The following CDH12 variants were observed in gnomAD, a reference collection of about 807,000 sequenced individuals.
CDH12 encodes the protein cadherin-12.
A neutral mutation model predicts 74.1 loss-of-function variants in CDH12; 41 were observed. The observed-to-expected ratio is 0.55, with a 90% confidence interval of 0.43 to 0.72. CDH12 has a LOEUF of 0.72. Ranked by LOEUF, CDH12 falls within the 30% of genes least tolerant of loss-of-function variation. The pLI is 0.00. For synonymous variants in CDH12, 399 were observed against 355.0 expected, an observed-to-expected ratio of 1.12 and a Z score of -1.39; for missense variants, 945 against 977.2, an observed-to-expected ratio of 0.97 and a Z score of 0.44.
intron 3 of CDH12, among the ~76,000 whole-genome samples, chr5:22,315,119 C>CT (rs70959715): frequency 0.08 from 1,838 of 22,970 alleles, 516 homozygotes; most frequent in African/African-American, 0.21. Flanking sequence ...GCCTGCCTGG[C>CT]TTTTTTTTTT....
intron 3 of CDH12, among the ~76,000 whole-genome samples, chr5:22,402,372 G>A (rs988663031): frequency 1.3e-5 from 2 of 152,298 alleles, no homozygotes; most frequent in Admixed American, 6.5e-5. Flanking sequence ...TTCTGGTGAT[G>A]TCTCCAAAGA....
chr5:22,509,255 A>T (rs530786458), intron 1 of CDH12, among the ~76,000 whole-genome samples: 21 of 152,344 alleles, frequency 1.4e-4, no homozygotes, highest in African/African-American at 5.1e-4. Flanking sequence ...AGGACTACTG[A>T]TAACCTGCAA....
chr5:21,850,899 T>G (rs563349456), intron 7 of CDH12, among the ~76,000 whole-genome samples: 1 of 151,354 alleles, frequency 6.6e-6, no homozygotes, highest in Non-Finnish European at 1.5e-5. Flanking sequence ...ATAAAGGACG[T>G]ATTTTTCACA....
At chr5:22,583,983 C>A (rs1423531695) in intron 1 of CDH12, among the ~76,000 whole-genome samples, 1 of 151,584 alleles carries the variant, frequency 6.6e-6, no homozygotes, top group Non-Finnish European at 1.5e-5. Flanking sequence ...TTTACTTTTT[C>A]CCCCTGGTTC....
chr5:22,751,711 T>C (rs557520374), intron 1 of CDH12, among the ~76,000 whole-genome samples: 10 of 152,274 alleles, frequency 6.6e-5, no homozygotes, highest in South Asian at 6.2e-4. Flanking sequence ...TCTGAAGTTA[T>C]TTGGTTTGGG....
intron 1 of CDH12, among the ~76,000 whole-genome samples, chr5:22,736,350 G>C (rs1744721772): frequency 6.6e-6 from 1 of 151,742 alleles, no homozygotes; most frequent in Admixed American, 6.6e-5. Context: ...ATATGAGATA[G>C]TTCATTGGCT....
At chr5:22,230,137 T>G (rs1280877658) in intron 3 of CDH12, among the ~76,000 whole-genome samples, 1 of 152,118 alleles carries the variant, frequency 6.6e-6, no homozygotes, top group Non-Finnish European at 1.5e-5. Flanking sequence ...AATTTGTTAG[T>G]AAGTGTATGC....
At chr5:22,262,109 G>A (rs866302926) in intron 3 of CDH12, among the ~76,000 whole-genome samples, 1 of 151,732 alleles carries the variant, frequency 6.6e-6, no homozygotes, top group Non-Finnish European at 1.5e-5. Flanking sequence ...GCAATGTAAT[G>A]CATACACTAT....
intron 3 of CDH12, among the ~76,000 whole-genome samples, chr5:22,386,353 C>A (rs1742001617): frequency 6.6e-6 from 1 of 152,100 alleles, no homozygotes; most frequent in African/African-American, 2.4e-5. Context: ...CAAATCCAAG[C>A]CATACCATTG....
chr5:22,344,028 A>G (rs1740003915), intron 3 of CDH12, among the ~76,000 whole-genome samples: 1 of 152,322 alleles, frequency 6.6e-6, no homozygotes, highest in African/African-American at 2.4e-5. Flanking sequence ...ATAAGAAATC[A>G]CCTAAGAAAC....
chr5:22,181,531 C>T (rs1324481563), intron 4 of CDH12, among the ~76,000 whole-genome samples: 1 of 152,058 alleles, frequency 6.6e-6, no homozygotes, highest in Middle Eastern at 3.2e-3. Context: ...CTATTTTGTG[C>T]CAGTGTTCCC....
intron 1 of CDH12, among the ~76,000 whole-genome samples, chr5:22,593,370 A>G (rs77760324): frequency 0.02 from 3,024 of 152,264 alleles, 37 homozygotes; most frequent in Non-Finnish European, 0.03. Flanking sequence ...TAAGGTTCCA[A>G]AACAAAACTA....
rs76674898 is a variant in CDH12 at position 22,242,103 on chromosome 5, T to A, written c.-332-29460A>T. Reference sequence around the variant, plus strand: ...CCTTCATTCTACGTTTTATTTGTATTCACTTGAACTAACTCAGAAGTCATA... The same window carrying A: ...CCTTCATTCTACGTTTTATTTGTATACACTTGAACTAACTCAGAAGTCATA... On this transcript the variant is annotated intron_variant, in intron 3 of 14. Transcript: ENST00000382254. Among the ~76,000 whole-genome samples, 390 of 152,290 alleles carry A rather than the reference T, an allele frequency of 2.6e-3. 1 individual carries two copies. The highest frequency in any genetic ancestry group is 4.7e-3 in the Non-Finnish European group (318 of 67,986).
chr5:21,821,702 A>G (rs1390988706), intron 8 of CDH12, among the ~76,000 whole-genome samples: 3 of 151,962 alleles, frequency 2.0e-5, no homozygotes, highest in Admixed American at 1.3e-4. Context: ...ACTCAAAAAC[A>G]TACACTTGAT....
At chr5:22,748,110 TA>T (rs1745385166) in intron 1 of CDH12, among the ~76,000 whole-genome samples, 1 of 152,216 alleles carries the variant, frequency 6.6e-6, no homozygotes, top group Non-Finnish European at 1.5e-5. Flanking sequence ...ATTTGAAAGG[TA>T]TATTTAAATA....
intron 3 of CDH12, among the ~76,000 whole-genome samples, chr5:22,294,968 T>C (rs762144042): frequency 2.6e-5 from 4 of 152,156 alleles, no homozygotes; most frequent in Non-Finnish European, 5.9e-5. Context: ...TGTCTCCCAG[T>C]TTCTGTGAGT....
chr5:22,538,699 C>G (rs1475835560), intron 1 of CDH12, among the ~76,000 whole-genome samples: 7 of 152,138 alleles, frequency 4.6e-5, no homozygotes, highest in Non-Finnish European at 1.0e-4. Flanking sequence ...TATTTTAATT[C>G]AACTTCAGAC....
chr5:22,368,032 C>T (rs1291262857), intron 3 of CDH12, among the ~76,000 whole-genome samples: 4 of 152,090 alleles, frequency 2.6e-5, no homozygotes, highest in African/African-American at 9.7e-5. Context: ...ACCACTACTA[C>T]ATGAATAAAA....
At chr5:21,757,138 C>A (rs1167482497) in intron 13 of CDH12, among the ~76,000 whole-genome samples, 1 of 152,072 alleles carries the variant, frequency 6.6e-6, no homozygotes, top group Non-Finnish European at 1.5e-5. Context: ...ATGTATGTGT[C>A]AAATGGCAGC....
Sources: allele counts gnomAD v4.1 joint callset (sites outside exome capture counted in the v4.1 genomes callset), GRCh38; gene constraint gnomAD v4.1.1; transcripts MANE v1.5; gene names NCBI Gene and HGNC (gene_info 2026-07-23, HGNC 2026-07-21).